SIRPG: variants seen among roughly 807,000 people sequenced by gnomAD.
SIRPG encodes the protein signal regulatory protein gamma.
A neutral mutation model predicts 35.7 loss-of-function variants in SIRPG; 38 were observed. That is an observed-to-expected ratio of 1.06 (90% CI 0.82 to 1.40). The LOEUF (loss-of-function observed/expected upper bound fraction) is 1.40, where lower values mean the gene tolerates loss of function less well. Among genes scored for constraint, SIRPG ranks in the 40% most tolerant of loss-of-function variants. SIRPG has a pLI of 0.00. For missense variants in SIRPG, 519 were observed against 483.0 expected, an observed-to-expected ratio of 1.07 and a Z score of -0.70; for synonymous variants, 215 against 190.4, an observed-to-expected ratio of 1.13 and a Z score of -1.06.
At chr20:1,669,873 T>A in the SIRPG span, 2 of 157,458 alleles carry the variant, frequency 1.3e-5, no homozygotes, top group Admixed American at 1.3e-4. Flanking sequence ...ACTATTAACA[T>A]TAAGGAAAGA....
At chr20:1,671,073 A>G in the SIRPG span, 1 of 426,792 alleles carries the variant, frequency 2.3e-6, no homozygotes, top group Non-Finnish European at 4.7e-6. Context: ...GCTCATTCCT[A>G]TTTTTGGACC....
chr20:1,673,562 A>C, the SIRPG span, among the ~76,000 whole-genome samples: 8 of 152,262 alleles, frequency 5.3e-5, no homozygotes, highest in African/African-American at 1.4e-4. Flanking sequence ...CAGAACAAAG[A>C]GGAGCAGAAA....
In SIRPG at chr20:1,634,912, G is replaced by A. The variant is rs910682935; in HGVS notation, c.1081+355C>T. Among the ~76,000 whole-genome samples, 36 of 151,646 alleles carry A rather than the reference G, an allele frequency of 2.4e-4. No individual in the cohort carries two copies. In the South Asian group the frequency reaches 4.6e-3, roughly 20 times the overall value. ...CAAAAAATTAGTCGGGCGTGGTGGC[G>A]GGCGCCTGTAGTCCCAGCTACTCGG... On this transcript the variant is annotated intron_variant, in intron 4 of 5. Transcript: ENST00000303415.
chr20:1,685,065 C>T, the SIRPG span, among the ~76,000 whole-genome samples: 1 of 152,144 alleles, frequency 6.6e-6, no homozygotes, highest in South Asian at 2.1e-4. Flanking sequence ...GCTGCTGTGC[C>T]CAGCCCTGTG....
the SIRPG span, among the ~76,000 whole-genome samples, chr20:1,680,842 C>T: frequency 6.6e-6 from 1 of 151,676 alleles, no homozygotes; most frequent in African/African-American, 2.4e-5. Context: ...GTTTTTTTGG[C>T]ACTATCTAAT....
chr20:1,630,250 A>T lies in SIRPG; in HGVS notation c.1138T>A (p.Tyr380Asn). Residue 380 changes from tyrosine to asparagine, a missense_variant, in exon 5 of 6, where the codon TAC (tyrosine) becomes AAC (asparagine). Tyr to Asn is a moderately radical substitution (Grantham distance 143). Transcript: ENST00000303415. ...LLIAVLLGPIYVPWKQKT is the reference protein window; with the variant it reads ...LLIAVLLGPINVPWKQKT ...CAGGTCTTCTGCTTCCAGGGGACGT[A>T]GATGGGGCCCAGGAGGACAGCTATG... is the stretch of plus-strand genomic sequence containing the variant. 1 of 1,574,070 alleles carries T rather than the reference A, an allele frequency of 6.4e-7. No homozygotes were observed. Among genetic ancestry groups the T allele is most frequent in the Non-Finnish European group, 8.6e-7 (1 of 1,158,948 alleles).
intron 4 of SIRPG, among the ~76,000 whole-genome samples, chr20:1,631,499 G>C (rs770976444): frequency 6.6e-6 from 1 of 152,158 alleles, no homozygotes; most frequent in Non-Finnish European, 1.5e-5. Context: ...TCAGCACCTC[G>C]CTCCTCCTAC....
At chr20:1,668,759 G>C in the SIRPG span, among the ~76,000 whole-genome samples, 1 of 152,198 alleles carries the variant, frequency 6.6e-6, no homozygotes, top group African/African-American at 2.4e-5. Context: ...TATTGATCTT[G>C]TAGAAAAACG....
intron 2 of SIRPG, among the ~76,000 whole-genome samples, chr20:1,639,404 C>A (rs1423385188): frequency 6.6e-6 from 1 of 152,102 alleles, no homozygotes; most frequent in East Asian, 1.9e-4. Context: ...TGTTTGTTGG[C>A]CACATAAATG....
chr20:1,663,434 C>A, the SIRPG span, among the ~76,000 whole-genome samples: 11 of 152,226 alleles, frequency 7.2e-5, no homozygotes, highest in Non-Finnish European at 1.3e-4. Context: ...AGGTGAGAAG[C>A]ACGCAGGTTA....
At chr20:1,659,585 G>C (rs1044495980), upstream of SIRPG, among the ~76,000 whole-genome samples, 6 of 152,168 alleles carry the variant, frequency 3.9e-5, no homozygotes, top group Non-Finnish European at 7.3e-5. Context: ...TCATTGCTCT[G>C]ACCCCATGAG....
chr20:1,661,206 C>A (rs955559093), upstream of SIRPG, among the ~76,000 whole-genome samples: 1 of 152,102 alleles, frequency 6.6e-6, no homozygotes, highest in African/African-American at 2.4e-5. Context: ...GTGTGACAAC[C>A]TTGGCCAGTG....
chr20:1,632,816 A>G (rs1340623079), intron 4 of SIRPG, among the ~76,000 whole-genome samples: 1 of 152,090 alleles, frequency 6.6e-6, no homozygotes, highest in Non-Finnish European at 1.5e-5. Context: ...GCCTCAAGTC[A>G]ATTAAATCAC....
At chr20:1,636,058 G>T in intron 3 of SIRPG, 130 bp downstream of exon 3, 1 of 1,307,538 alleles carries the variant, frequency 7.6e-7, no homozygotes, top group Non-Finnish European at 1.1e-6. Flanking sequence ...ACACCTAGGT[G>T]CATGGCGGGC....
At chr20:1,669,572 A>G in the SIRPG span, among the ~76,000 whole-genome samples, 1 of 152,220 alleles carries the variant, frequency 6.6e-6, no homozygotes, top group Admixed American at 6.5e-5. Context: ...TTAGGACAGA[A>G]CAAAAATGAG....
the SIRPG span, among the ~76,000 whole-genome samples, chr20:1,663,169 C>T: frequency 1.2e-4 from 18 of 151,984 alleles, no homozygotes; most frequent in Non-Finnish European, 1.5e-4. Context: ...AAAAATTAGC[C>T]GGGCGTGGTG....
chr20:1,663,555 A>G, the SIRPG span, among the ~76,000 whole-genome samples: 21 of 152,216 alleles, frequency 1.4e-4, no homozygotes, highest in Non-Finnish European at 2.8e-4. Context: ...GAAGCTTGAA[A>G]CTGGCTACAT....
At chr20:1,666,689 G>T in the SIRPG span, 1 of 152,154 alleles carries the variant, frequency 6.6e-6, no homozygotes, top group Non-Finnish European at 1.5e-5. Context: ...CATGGCCAAG[G>T]TGTATGGTGT....
the SIRPG span, among the ~76,000 whole-genome samples, chr20:1,674,311 T>C: frequency 1.1e-4 from 17 of 152,146 alleles, no homozygotes; most frequent in Non-Finnish European, 1.8e-4. Context: ...CCTTGAGGCC[T>C]GGAGAAGCAC....
Sources: allele counts gnomAD v4.1 joint callset (sites outside exome capture counted in the v4.1 genomes callset), GRCh38; gene constraint gnomAD v4.1.1; transcripts MANE v1.5; gene names NCBI Gene and HGNC (gene_info 2026-07-23, HGNC 2026-07-21).